Variants in SYNDIG1 observed in about 807,000 individuals in gnomAD.
The protein encoded by SYNDIG1 is synapse differentiation inducing 1, also known as synapse differentiation-inducing gene protein 1.
In SYNDIG1, 9 loss-of-function variants were observed where a neutral mutation model predicts 19.4. That is an observed-to-expected ratio of 0.46 (90% CI 0.28 to 0.81). SYNDIG1 has a LOEUF of 0.81. Among genes scored for constraint, SYNDIG1 ranks in the 30% least tolerant of loss-of-function variants. SYNDIG1 has a pLI of 0.12. For missense variants in SYNDIG1, 311 were observed against 343.3 expected (o/e 0.91, Z 0.74); for synonymous variants, 141 against 145.9 (o/e 0.97, Z 0.24).
At chr20:24,560,003 G>T (rs1379893769) in intron 2 of SYNDIG1, among the ~76,000 whole-genome samples, 1 of 141,586 alleles carries the variant, frequency 7.1e-6, no homozygotes, top group African/African-American at 2.6e-5. Context: ...TCATATTTGG[G>T]AAGGTTTTGG....
At chr20:24,489,721 C>T (rs6036820) in intron 1 of SYNDIG1, among the ~76,000 whole-genome samples, 1 of 152,252 alleles carries the variant, frequency 6.6e-6, no homozygotes, top group Non-Finnish European at 1.5e-5. Context: ...AACCTCCCAC[C>T]TCTGTGAATG....
chr20:24,545,737 C>G (rs533347093), intron 2 of SYNDIG1, among the ~76,000 whole-genome samples: 1 of 152,154 alleles, frequency 6.6e-6, no homozygotes, highest in Non-Finnish European at 1.5e-5. Context: ...GGGAGGTAAC[C>G]TTTCCCACCC....
At chr20:24,575,383 A>G (rs1308950072) in intron 2 of SYNDIG1, among the ~76,000 whole-genome samples, 1 of 152,250 alleles carries the variant, frequency 6.6e-6, no homozygotes, top group African/African-American at 2.4e-5. Flanking sequence ...ACGTTCATTT[A>G]TTCCCAGAGA....
At chr20:24,575,165 A>G (rs1293474018) in intron 2 of SYNDIG1, among the ~76,000 whole-genome samples, 1 of 152,236 alleles carries the variant, frequency 6.6e-6, no homozygotes, top group Non-Finnish European at 1.5e-5. Context: ...CCCTGCCTCA[A>G]AGAGCTGAAC....
intron 2 of SYNDIG1, among the ~76,000 whole-genome samples, chr20:24,579,412 T>C (rs1360352508): frequency 2.6e-5 from 4 of 152,244 alleles, no homozygotes; most frequent in Admixed American, 1.3e-4. Context: ...GCAGCCTTTA[T>C]TGATCAGGCA....
chr20:24,556,491 G>A (rs2057821126), intron 2 of SYNDIG1, among the ~76,000 whole-genome samples: 1 of 152,068 alleles, frequency 6.6e-6, no homozygotes, highest in Non-Finnish European at 1.5e-5. Context: ...GCTCTTTTAG[G>A]GCAGGCCTTG....
intron 3 of SYNDIG1, among the ~76,000 whole-genome samples, chr20:24,609,416 T>C (rs1316489192): frequency 6.6e-6 from 1 of 152,178 alleles, no homozygotes; most frequent in Non-Finnish European, 1.5e-5. Flanking sequence ...TATAAAGTAG[T>C]AAAGGGTCAC....
chr20:24,493,327 C>T (rs975508172), intron 1 of SYNDIG1, among the ~76,000 whole-genome samples: 2 of 152,136 alleles, frequency 1.3e-5, no homozygotes, highest in South Asian at 2.1e-4. Flanking sequence ...CAAGCATGCA[C>T]GTGCACACAC....
At chr20:24,532,861 G>A (rs1334741647) in intron 1 of SYNDIG1, among the ~76,000 whole-genome samples, 1 of 152,052 alleles carries the variant, frequency 6.6e-6, no homozygotes, top group Non-Finnish European at 1.5e-5. Flanking sequence ...TTTTCTATCT[G>A]CATTTAGATC....
intron 1 of SYNDIG1, among the ~76,000 whole-genome samples, chr20:24,516,914 A>G (rs753624970): frequency 3.3e-5 from 5 of 152,332 alleles, no homozygotes; most frequent in South Asian, 2.1e-4. Context: ...ATGTCCATCA[A>G]TGATAGACTG....
At chr20:24,653,419 G>T (rs2059493108) in intron 3 of SYNDIG1, among the ~76,000 whole-genome samples, 1 of 152,270 alleles carries the variant, frequency 6.6e-6, no homozygotes, top group East Asian at 1.9e-4. Flanking sequence ...AATCGGTAAA[G>T]CACCCAGTCC....
chr20:24,471,653 T>G (rs530604875), intron 1 of SYNDIG1, among the ~76,000 whole-genome samples: 1 of 150,986 alleles, frequency 6.6e-6, no homozygotes, highest in East Asian at 1.9e-4. Context: ...ATTTTTAAAC[T>G]TTTTTATTAT....
At chr20:24,580,833 G>T (rs757175073) in intron 2 of SYNDIG1, among the ~76,000 whole-genome samples, 6 of 152,170 alleles carry the variant, frequency 3.9e-5, no homozygotes, top group Non-Finnish European at 7.3e-5. Context: ...GAAGACTGGA[G>T]GAGTGCCCTG....
chr20:24,487,549 G>C (rs1277851735), intron 1 of SYNDIG1, among the ~76,000 whole-genome samples: 1 of 152,164 alleles, frequency 6.6e-6, no homozygotes, highest in Non-Finnish European at 1.5e-5. Flanking sequence ...AGGGTCCAGC[G>C]CACTTTTTTC....
intron 1 of SYNDIG1, among the ~76,000 whole-genome samples, chr20:24,527,190 C>CT (rs1275992910): frequency 3.9e-5 from 6 of 152,144 alleles, no homozygotes; most frequent in African/African-American, 1.4e-4. Context: ...TGTCTCCTAT[C>CT]TTTTTTTCTA....
At chr20:24,647,053 C>T (rs1297592429) in intron 3 of SYNDIG1, among the ~76,000 whole-genome samples, 1 of 152,212 alleles carries the variant, frequency 6.6e-6, no homozygotes, top group Non-Finnish European at 1.5e-5. Context: ...CTCACGTAGT[C>T]TTTTGAATCT....
intron 3 of SYNDIG1, among the ~76,000 whole-genome samples, chr20:24,615,105 G>C (rs1190074159): frequency 6.6e-6 from 1 of 152,192 alleles, no homozygotes; most frequent in African/African-American, 2.4e-5. Context: ...AAGGACATTA[G>C]TATCTTAAGT....
chr20:24,543,587 T>G lies in SYNDIG1; in HGVS notation c.480+10T>G, dbSNP rs755902807. 4.4e-6 allele frequency: 7 copies of G among 1,595,006 alleles called. No homozygotes were observed. In the Admixed American group the frequency reaches 1.2e-4, roughly 27 times the overall value. On this transcript the variant is annotated intron_variant, in intron 2 of 3. Coordinates refer to ENST00000376862, the MANE Select transcript of SYNDIG1 (RefSeq NM_024893.3). The stretch of plus-strand genomic sequence containing the variant: ...GTTCCAGGAGCTGGAGGTCACAGGA[T>G]GTGTTTGTCAGAGGCCCTCTAAGAA...
intron 3 of SYNDIG1, among the ~76,000 whole-genome samples, chr20:24,613,844 G>C (rs1359987275): frequency 3.3e-5 from 5 of 152,252 alleles, no homozygotes; most frequent in Non-Finnish European, 7.3e-5. Context: ...AGTGTCTAGA[G>C]ACAGAAGAGG....
Sources: gnomAD v4.1 joint callset for allele counts (sites outside exome capture counted in the v4.1 genomes callset) on GRCh38, gnomAD v4.1.1 for gene constraint, MANE v1.5 for transcripts, NCBI Gene and HGNC (gene_info 2026-07-23, HGNC 2026-07-21) for gene names.